TRIM43: variants seen among roughly 807,000 people sequenced by gnomAD.
TRIM43 encodes the protein tripartite motif containing 43.
A neutral mutation model predicts 27.7 loss-of-function variants in TRIM43; 12 were observed. The observed-to-expected ratio is 0.43, with a 90% CI of 0.28 to 0.70. The LOEUF (loss-of-function observed/expected upper bound fraction) is 0.70, where lower values mean the gene tolerates loss of function less well. Among genes scored for constraint, TRIM43 ranks in the 30% least tolerant of loss-of-function variants. The pLI is 0.17. For missense variants in TRIM43, 186 were observed against 356.5 expected, an observed-to-expected ratio of 0.52 and a Z score of 3.85; for synonymous variants, 64 against 121.9, an observed-to-expected ratio of 0.52 and a Z score of 3.13.
chr2:95,594,530 TACTGAG>T, intron 2 of TRIM43, 96 bp downstream of exon 2: 5 of 1,511,022 alleles, frequency 3.3e-6, no homozygotes, highest in Non-Finnish European at 4.4e-6. Flanking sequence ...CTCCATTCTT[TACTGAG>T]TGCCAGGTGC....
chr2:95,593,278 A>G, intron 1 of TRIM43, among the ~76,000 whole-genome samples: 1 of 151,920 alleles, frequency 6.6e-6, no homozygotes, highest in East Asian at 1.9e-4. Flanking sequence ...TGCTTCAATT[A>G]TCATTATCTT....
chr2:95,592,701 A>G (rs1364233623), intron 1 of TRIM43, among the ~76,000 whole-genome samples: 2 of 150,576 alleles, frequency 1.3e-5, no homozygotes, highest in Non-Finnish European at 3.0e-5. Flanking sequence ...AAGTATTTTT[A>G]GAGACAGGAT....
chr2:95,592,726 G>A (rs1304611298), intron 1 of TRIM43, among the ~76,000 whole-genome samples: 7 of 150,968 alleles, frequency 4.6e-5, no homozygotes, highest in South Asian at 4.2e-4. Context: ...TAGACACTTT[G>A]CCGTGTCACC....
chr2:95,593,901 A>T, intron 1 of TRIM43, 119 bp from the exon 2 acceptor site: 1 of 1,525,876 alleles, frequency 6.6e-7, no homozygotes, highest in Non-Finnish European at 8.8e-7. Flanking sequence ...ATTGCAGATT[A>T]AAGCCTATAC....
chr2:95,596,180 T>A, intron 3 of TRIM43, 22 bp from the exon 4 acceptor site: 1 of 1,607,482 alleles, frequency 6.2e-7, no homozygotes, highest in Non-Finnish European at 8.5e-7. Flanking sequence ...GTATATAACC[T>A]ACAAAATTCA....
chr2:95,594,662 G>A (rs1472848992), intron 2 of TRIM43, among the ~76,000 whole-genome samples: 4 of 150,332 alleles, frequency 2.7e-5, no homozygotes, highest in Non-Finnish European at 5.9e-5. Context: ...TGACTCTACA[G>A]TTCAATGCTA....
chr2:95,594,290 G>C lies in TRIM43; in HGVS notation c.267G>C (p.Glu89Asp). 1.2e-6 allele frequency: 2 copies of C among 1,609,634 alleles called. No homozygotes were observed. The highest frequency in any genetic ancestry group is 1.7e-6 in the Non-Finnish European group (2 of 1,178,588). Residue 89 changes from glutamate to aspartate, a missense_variant, in exon 2 of 7, where the codon GAG (glutamate) becomes GAC (aspartate). By Grantham distance (45) the Glu-to-Asp change is conservative (BLOSUM62 2). This residue lies in a region of TRIM43 where 29 missense variants were observed against 78.7 expected (regional missense o/e 0.37). Coordinates refer to ENST00000272395, the MANE Select transcript of TRIM43 (RefSeq NM_138800.3). The stretch of plus-strand genomic sequence containing the variant: ...GTCTCTGGCAATTCCTGAGCTCTGA[G>C]AAACAAATATGTGGGACCCATAGGC... ...KASLWQFLSS[E>D]KQICGTHRQT...
Position 95,595,088 on chromosome 2 carries a change from G to T in TRIM43, c.450G>T (p.Lys150Asn). 6.2e-7 allele frequency: 1 copy of T among 1,612,172 alleles called. No homozygotes were observed. The highest frequency in any genetic ancestry group is 1.1e-5 in the South Asian group (1 of 90,826). ...AGCAAATGAGGATTTTATGGAAAAA[G>T]ATTCAAGAAAATCAGAGAAATCTAT... is the stretch of plus-strand genomic sequence containing the variant. ...LLKQMRILWK[K>N]IQENQRNLYE... Residue 150 changes from lysine (K) to asparagine (N), a missense_variant, in exon 3 of 7, where the codon AAG becomes AAT. Around this residue, in one of 6 missense-constraint regions of TRIM43, gnomAD observed 91 missense variants for 119.3 expected, o/e 0.76. Transcript: ENST00000272395.
chr2:95,594,173 A>C lies in TRIM43; in HGVS notation c.150A>C (p.Ala50=). The change falls in exon 2 of 7, where the codon GCA becomes GCC. Residue 50 remains alanine, a synonymous_variant. Transcript: ENST00000272395. ...CGTGGGAGGAAGCCCAAAGTCCTGC[A>C]AACTGCCCTGCATGCAGGGAACCAT... ...CLSWEEAQSP[A]NCPACREPSP... 6 of 1,612,154 alleles carry C rather than the reference A, an allele frequency of 3.7e-6. No homozygotes were observed. The highest frequency in any genetic ancestry group is 5.1e-6 in the Non-Finnish European group (6 of 1,179,224).
chr2:95,595,127 A>C lies in TRIM43; in HGVS notation c.489A>C (p.Arg163Ser), dbSNP rs1051679913. The change falls in exon 3 of 7, where the codon AGA (arginine) becomes AGC (serine). Residue 163 changes from arginine to serine, a missense_variant. This residue lies in a region of TRIM43 where 91 missense variants were observed against 119.3 expected (regional missense o/e 0.76). Coordinates refer to ENST00000272395, the MANE Select transcript of TRIM43 (RefSeq NM_138800.3). ...AGAGAAATCTATATGAGGAGGGAAG[A>C]ACAGCCTTCCTCTGGAGGGTAAGTA... ...ENQRNLYEEGRTAFLWRGNVV... is the reference protein window; with the variant it reads ...ENQRNLYEEGSTAFLWRGNVV... 6 of 1,612,022 alleles carry C rather than the reference A, an allele frequency of 3.7e-6. No individual in the cohort carries two copies. In the African/African-American group the frequency reaches 8.0e-5, roughly 22 times the overall value.
At position 95,595,094 on chromosome 2, in the gene TRIM43, AG is replaced by A; in HGVS notation, c.457del (p.Glu153LysfsTer26). The A allele has an allele frequency of 6.2e-7, 1 of 1,612,368 alleles. No homozygotes were observed. The highest frequency in any genetic ancestry group is 8.5e-7 in the Non-Finnish European group (1 of 1,179,064). On this transcript the variant is annotated frameshift_variant, in exon 3 of 7. Transcript: ENST00000272395. LOFTEE classifies it high-confidence loss of function. ...TGAGGATTTTATGGAAAAAGATTCA[AG>A]AAAATCAGAGAAATCTATATGAGGA... ...QMRILWKKIQENQRNLYEEGR... is the reference protein window; with the variant it reads ...QMRILWKKIQXNQRNLYEEGR...
At chr2:95,593,976 T>C (rs923478141) in intron 1 of TRIM43, 44 bp from the exon 2 acceptor site, 1 of 1,547,120 alleles carries the variant, frequency 6.5e-7, no homozygotes, top group Non-Finnish European at 8.7e-7. Flanking sequence ...GATCTTTGTC[T>C]CTCCAGGGTA....
At position 95,594,984 on chromosome 2, in the gene TRIM43, A is replaced by T. The variant is rs963896398; in HGVS notation, c.412-66A>T. On this transcript the variant is annotated intron_variant, in intron 2 of 6. Coordinates refer to ENST00000272395, the MANE Select transcript of TRIM43 (RefSeq NM_138800.3). ...TATATATTATCCCTTGCCTGTGTAT[A>T]CCACTCAGATTGTGGAATCTTTGGC... The T allele has an allele frequency of 1.6e-5, 24 of 1,547,064 alleles. No individual in the cohort carries two copies. The African/African-American group carries it at 3.0e-4, about 19-fold the overall frequency.
At chr2:95,593,298 T>A (rs1685289916) in intron 1 of TRIM43, among the ~76,000 whole-genome samples, 1 of 151,960 alleles carries the variant, frequency 6.6e-6, no homozygotes, top group African/African-American at 2.4e-5. Context: ...TTTTGTAAAT[T>A]GAATTAATTG....
intron 4 of TRIM43, 111 bp downstream of exon 4, chr2:95,596,543 G>C: frequency 6.9e-7 from 1 of 1,438,914 alleles, no homozygotes; most frequent in Non-Finnish European, 9.2e-7. Flanking sequence ...CTGACGGTGA[G>C]AGTCATTCCC....
intron 3 of TRIM43, among the ~76,000 whole-genome samples, chr2:95,595,566 T>C (rs1481860440): frequency 6.6e-6 from 1 of 150,546 alleles, no homozygotes; most frequent in African/African-American, 2.4e-5. Flanking sequence ...ACCCACATGA[T>C]GCCAGTCCGA....
intron 3 of TRIM43, among the ~76,000 whole-genome samples, chr2:95,595,722 T>C (rs1436513524): frequency 2.0e-5 from 3 of 151,006 alleles, no homozygotes; most frequent in Non-Finnish European, 4.4e-5. Flanking sequence ...CAATACAGAG[T>C]CTATGGATTT....
At chr2:95,594,483 A>G in intron 2 of TRIM43, 49 bp downstream of exon 2, 1 of 1,596,422 alleles carries the variant, frequency 6.3e-7, no homozygotes, top group Non-Finnish European at 8.5e-7. Flanking sequence ...TGGCAGAGTT[A>G]AAGATATTAG....
chr2:95,596,561 A>G, intron 4 of TRIM43, 129 bp downstream of exon 4: 1 of 1,344,962 alleles, frequency 7.4e-7, no homozygotes, highest in Non-Finnish European at 1.0e-6. Context: ...CCCACCGGTT[A>G]TAGAGATAAA....
Sources: allele counts gnomAD v4.1 joint callset (sites outside exome capture counted in the v4.1 genomes callset), GRCh38; gene constraint gnomAD v4.1.1; regional missense constraint gnomAD v4.1.1; transcripts MANE v1.5; gene names NCBI Gene and HGNC (gene_info 2026-07-23, HGNC 2026-07-21).